Variants in MYH11 observed in about 807,000 individuals in gnomAD.
MYH11 encodes myosin heavy chain 11.
MYH11 carries 80 observed loss-of-function variants against 246.6 expected under a neutral mutation model. The observed-to-expected ratio is 0.32, with a 90% confidence interval of 0.27 to 0.39. The LOEUF (loss-of-function observed/expected upper bound fraction) is 0.39. Ranked by LOEUF, MYH11 falls within the 10% of genes least tolerant of loss-of-function variation. The pLI, the probability that MYH11 is intolerant of heterozygous loss-of-function variation, is 1.00. For missense variants in MYH11, 2,158 were observed against 2,546.8 expected (o/e 0.85, Z 3.29); for synonymous variants, 1,071 against 1,015.5 (o/e 1.05, Z -1.04).
In MYH11 at chr16:15,762,117, G is replaced by T. The variant is rs111828159; in HGVS notation, c.1130-1459C>A. ...AGCCTCCTGAGTAGCTGGGATTACA[G>T]GCGCCTGCCACTACGCCTGGCTAAT... On this transcript the variant is annotated intron_variant, in intron 10 of 40. Transcript: ENST00000300036. Among the ~76,000 whole-genome samples, 522 of 152,338 alleles carry T rather than the reference G, an allele frequency of 3.4e-3. 4 individuals are homozygous for T. The highest frequency in any genetic ancestry group is 0.017 in the Middle Eastern group (5 of 294).
At chr16:15,764,776 C>T (rs2041945535) in intron 9 of MYH11, among the ~76,000 whole-genome samples, 2 of 152,148 alleles carry the variant, frequency 1.3e-5, no homozygotes, top group African/African-American at 4.8e-5. Context: ...ATGGCATACA[C>T]AATTTTCTCC....
chr16:15,742,996 GTC>G (rs1310377809), intron 20 of MYH11, among the ~76,000 whole-genome samples: 12 of 122,840 alleles, frequency 9.8e-5, no homozygotes, highest in Admixed American at 9.6e-4. Flanking sequence ...CTAGGTAGAA[GTC>G]TTTTTTTTTT....
chr16:15,744,535 C>CA (rs368043806), intron 20 of MYH11, among the ~76,000 whole-genome samples: 2 of 149,392 alleles, frequency 1.3e-5, no homozygotes, highest in African/African-American at 4.9e-5. Flanking sequence ...GACAGAGTCT[C>CA]AATCTTTCAC....
At chr16:15,844,232 T>A (rs1444213025) in intron 1 of MYH11, among the ~76,000 whole-genome samples, 1 of 152,166 alleles carries the variant, frequency 6.6e-6, no homozygotes, top group Non-Finnish European at 1.5e-5. Flanking sequence ...GAGACTATGC[T>A]CTGTCGCCCA....
At chr16:15,751,470 T>C (rs1280599430) in intron 15 of MYH11, among the ~76,000 whole-genome samples, 1 of 151,514 alleles carries the variant, frequency 6.6e-6, no homozygotes, top group Non-Finnish European at 1.5e-5. Flanking sequence ...GCCATCATCA[T>C]CATCATCATC....
chr16:15,775,751 C>G, intron 8 of MYH11: 1 of 341,700 alleles, frequency 2.9e-6, no homozygotes, highest in Non-Finnish European at 5.4e-6. Flanking sequence ...AGGCAAATGT[C>G]TTTCTCCCTT....
At chr16:15,709,089 G>A (rs9746950) in intron 40 of MYH11, among the ~76,000 whole-genome samples, 3 of 149,932 alleles carry the variant, frequency 2.0e-5, no homozygotes, top group African/African-American at 7.4e-5. Flanking sequence ...ATTACAGGCA[G>A]GCCCCACGTG....
At chr16:15,756,566 T>G in intron 13 of MYH11, 52 bp from the exon 14 acceptor site, 5 of 1,600,636 alleles carry the variant, frequency 3.1e-6, no homozygotes, top group Non-Finnish European at 4.3e-6. Context: ...ACCTCAGGCA[T>G]TCCATGAAGA....
intron 2 of MYH11, 50 bp from the exon 3 acceptor site, chr16:15,823,461 G>C (rs769330885): frequency 6.2e-7 from 1 of 1,609,958 alleles, no homozygotes; most frequent in Non-Finnish European, 8.5e-7. Context: ...AGGGTAGACA[G>C]ATTGCACAGA....
At chr16:15,777,759 C>A (rs1189073619) in intron 7 of MYH11, among the ~76,000 whole-genome samples, 2 of 152,140 alleles carry the variant, frequency 1.3e-5, no homozygotes, top group African/African-American at 4.8e-5. Context: ...AGTACCGTAC[C>A]AAGGGCTGTG....
rs2040036846 is a variant in MYH11 at position 15,714,943 on chromosome 16, C to T, written c.5752G>A (p.Gly1918Ser). ...CTCTTGAGTGCGTTCACCTCGCGGC[C>T]CATGGCCTCGTTGCTCTCCGTGGCC... ...DEATESNEAM[G>S]REVNALKSKL... The change falls in exon 40 of 41, where the codon GGC becomes AGC. Residue 1918 changes from glycine (G) to serine (S), a missense_variant. This residue lies in a region of MYH11 where 1,013 missense variants were observed against 993.5 expected (regional missense o/e 1.02). Coordinates refer to ENST00000300036, the MANE Select transcript of MYH11 (RefSeq NM_002474.3). 2 of 1,613,970 alleles carry T rather than the reference C, an allele frequency of 1.2e-6. No individual in the cohort carries two copies. Among genetic ancestry groups the T allele is most frequent in the Non-Finnish European group, 8.5e-7 (1 of 1,180,042 alleles).
chr16:15,744,911 A>C (rs1161422432), intron 20 of MYH11, among the ~76,000 whole-genome samples: 1 of 152,206 alleles, frequency 6.6e-6, no homozygotes, highest in Non-Finnish European at 1.5e-5. Context: ...TCCAGTGCGG[A>C]TGGAAATATT....
rs554156577 is a variant in MYH11, at chr16:15,715,933, C to G, written c.5505-661G>C. 3.3e-5 allele frequency among the ~76,000 whole-genome samples: 5 copies of G among 152,246 alleles called. No homozygotes were observed. The East Asian group carries it at 9.6e-4, about 29-fold the overall frequency. On this transcript the variant is annotated intron_variant, in intron 38 of 40. Coordinates refer to ENST00000300036, the MANE Select transcript of MYH11 (RefSeq NM_002474.3). The stretch of plus-strand genomic sequence containing the variant: ...CTGTGGTCAGGAGTTCGAGACCAGC[C>G]TGGCCAACATGGTGAAACCCCATCC...
chr16:15,825,658 TA>T (rs1377405880), intron 2 of MYH11, among the ~76,000 whole-genome samples: 2 of 152,182 alleles, frequency 1.3e-5, no homozygotes, highest in Admixed American at 1.3e-4. Context: ...CTTTACCATT[TA>T]AAAAATAGCA....
At chr16:15,776,653 G>A (rs2042227575) in intron 7 of MYH11, among the ~76,000 whole-genome samples, 1 of 152,224 alleles carries the variant, frequency 6.6e-6, no homozygotes, top group Admixed American at 6.5e-5. Flanking sequence ...AGGGGAAACT[G>A]AGGCTCAGAG....
intron 4 of MYH11, chr16:15,791,398 T>G (rs2042605724): frequency 6.6e-6 from 1 of 152,222 alleles, no homozygotes; most frequent in African/African-American, 2.4e-5. Flanking sequence ...AGCTATTCAG[T>G]CCCTGGTCTT....
At chr16:15,801,697 T>G (rs1346583628) in intron 3 of MYH11, among the ~76,000 whole-genome samples, 1 of 149,180 alleles carries the variant, frequency 6.7e-6, no homozygotes. Context: ...TGGCTCACAC[T>G]TGTAATCCCA....
At chr16:15,791,591 G>C (rs1324992750) in intron 4 of MYH11, 1 of 151,976 alleles carries the variant, frequency 6.6e-6, no homozygotes, top group Non-Finnish European at 1.5e-5. Flanking sequence ...GGTGACCTTA[G>C]GCAAGTCATT....
chr16:15,737,163 A>G (rs1167758614), intron 25 of MYH11, among the ~76,000 whole-genome samples: 4 of 152,158 alleles, frequency 2.6e-5, no homozygotes, highest in Non-Finnish European at 5.9e-5. Context: ...GGGGGTCTAG[A>G]TGAGAAAAGC....
Sources: allele counts gnomAD v4.1 joint callset (sites outside exome capture counted in the v4.1 genomes callset), GRCh38; gene constraint gnomAD v4.1.1; regional missense constraint gnomAD v4.1.1; transcripts MANE v1.5; gene names NCBI Gene and HGNC (gene_info 2026-07-23, HGNC 2026-07-21).